ANK2: variants seen among roughly 807,000 people sequenced by gnomAD.
The protein encoded by ANK2 is ankyrin-2.
In ANK2, 83 loss-of-function variants were observed where a neutral mutation model predicts 360.5. The observed-to-expected ratio is 0.23, with a 90% CI of 0.19 to 0.28. ANK2 has a LOEUF of 0.28. Ranked by LOEUF, ANK2 falls within the 10% of genes least tolerant of loss-of-function variation. The pLI, the probability that ANK2 is intolerant of heterozygous loss-of-function variation, is 1.00. For synonymous variants in ANK2, 1,740 were observed against 1,759.5 expected (o/e 0.99, Z 0.28); for missense variants, 4,201 against 4,795.7 (o/e 0.88, Z 3.66).
In ANK2 at chr4:113,359,034, A is replaced by G. The variant is rs2096024116; in HGVS notation, c.10416A>G (p.Arg3472=). The G allele has an allele frequency of 1.9e-6, 3 of 1,614,110 alleles. No individual in the cohort carries two copies. Among genetic ancestry groups the G allele is most frequent in the Non-Finnish European group, 1.7e-6 (2 of 1,179,954 alleles). The change falls in exon 38 of 46, where the codon AGA becomes AGG. Residue 3472 remains arginine, a synonymous_variant. Coordinates refer to ENST00000357077, the MANE Select transcript of ANK2 (RefSeq NM_001148.6). The part of the protein sequence containing the change: ...ESKEHFFDLY[R]NSIEFFEEIS... ...AGGAGCATTTCTTTGACCTTTACAGAAATTCCATAGAATTCTTTGAGGAGA... is the reference window on the plus strand; with the variant it reads ...AGGAGCATTTCTTTGACCTTTACAGGAATTCCATAGAATTCTTTGAGGAGA...
intron 1 of ANK2, among the ~76,000 whole-genome samples, chr4:112,847,481 A>G (rs964011698): frequency 7.9e-5 from 12 of 152,226 alleles, no homozygotes; most frequent in Admixed American, 7.8e-4. Flanking sequence ...AAAAAACTCT[A>G]TCTTGTATTA....
intron 1 of ANK2, among the ~76,000 whole-genome samples, chr4:113,166,031 A>G (rs763599234): frequency 1.3e-5 from 2 of 152,168 alleles, no homozygotes; most frequent in Non-Finnish European, 2.9e-5. Context: ...TGACGTGTTC[A>G]GTGTTGGAAC....
At chr4:113,193,252 A>G (rs1356376736) in intron 2 of ANK2, among the ~76,000 whole-genome samples, 2 of 152,212 alleles carry the variant, frequency 1.3e-5, no homozygotes, top group African/African-American at 2.4e-5. Context: ...AATAAAACAG[A>G]TATACTCTTG....
intron 1 of ANK2, among the ~76,000 whole-genome samples, chr4:113,082,324 G>A (rs2082730818): frequency 6.6e-6 from 1 of 152,010 alleles, no homozygotes; most frequent in Non-Finnish European, 1.5e-5. Context: ...TTTTTGTGGA[G>A]AGTGGGGTCT....
intron 4 of ANK2, among the ~76,000 whole-genome samples, chr4:113,207,113 A>ACG (rs2098960812): frequency 2.0e-5 from 3 of 151,760 alleles, no homozygotes; most frequent in African/African-American, 7.2e-5. Context: ...GTGCACACGC[A>ACG]CACACACACA....
At chr4:113,201,546 G>A (rs911316072) in intron 4 of ANK2, among the ~76,000 whole-genome samples, 1 of 152,196 alleles carries the variant, frequency 6.6e-6, no homozygotes, top group African/African-American at 2.4e-5. Context: ...TGAAAGCCTG[G>A]TTAAATTCAA....
chr4:112,920,122 T>G (rs772638047), intron 2 of ANK2, among the ~76,000 whole-genome samples: 1 of 152,186 alleles, frequency 6.6e-6, no homozygotes, highest in Non-Finnish European at 1.5e-5. Context: ...GGTCTAGAAC[T>G]CGTGTCTCTT....
the ANK2 span, among the ~76,000 whole-genome samples, chr4:112,745,648 C>T: frequency 1.3e-5 from 2 of 151,856 alleles, no homozygotes; most frequent in Non-Finnish European, 2.9e-5. Context: ...ATTCTCCTGC[C>T]TCAGCCTCCC....
At chr4:113,266,197 A>G (rs2055929525) in intron 14 of ANK2, among the ~76,000 whole-genome samples, 1 of 152,176 alleles carries the variant, frequency 6.6e-6, no homozygotes, top group African/African-American at 2.4e-5. Flanking sequence ...ATGAGTGAGA[A>G]CATGCAGTGT....
At chr4:113,020,982 T>A (rs527496602) in intron 2 of ANK2, among the ~76,000 whole-genome samples, 144 of 152,302 alleles carry the variant, frequency 9.5e-4, no homozygotes, top group African/African-American at 3.2e-3. Context: ...TTCTTTCTTT[T>A]TAGACTTTTT....
intron 2 of ANK2, among the ~76,000 whole-genome samples, chr4:113,044,402 C>G (rs2063753131): frequency 6.6e-6 from 1 of 152,162 alleles, no homozygotes; most frequent in African/African-American, 2.4e-5. Flanking sequence ...ACGTGGCGTA[C>G]ACTTCCACCT....
chr4:113,057,090 T>C (rs1465100540), intron 1 of ANK2, among the ~76,000 whole-genome samples: 1 of 152,188 alleles, frequency 6.6e-6, no homozygotes, highest in South Asian at 2.1e-4. Flanking sequence ...TGTTAGGTGC[T>C]ATGGCATGGC....
At position 113,242,105 on chromosome 4, in the gene ANK2, G is replaced by T. The variant is rs749741442; in HGVS notation, c.793-6G>T. The T allele has an allele frequency of 1.2e-6, 2 of 1,611,128 alleles. No homozygotes were observed. Among genetic ancestry groups the T allele is most frequent in the Non-Finnish European group, 1.7e-6 (2 of 1,177,482 alleles). ...ACAGCTCTTGTTTGGTCTTTCTGTG[G>T]TGTAGAATGGAATCACTCCTCTGCA... On this transcript the variant is annotated splice_polypyrimidine_tract_variant and splice_region_variant and intron_variant, in intron 8 of 45. Transcript: ENST00000357077.
At chr4:113,327,750 T>A (rs775155247) in intron 26 of ANK2, among the ~76,000 whole-genome samples, 28 of 152,200 alleles carry the variant, frequency 1.8e-4, no homozygotes, top group Non-Finnish European at 3.2e-4. Context: ...CATCTGGGGC[T>A]TACACCATGT....
intron 1 of ANK2, chr4:112,880,333 A>G (rs1234554923): frequency 6.6e-6 from 1 of 152,214 alleles, no homozygotes; most frequent in Non-Finnish European, 1.5e-5. Context: ...ATTTATTGGA[A>G]AGGGCTTATG....
intron 1 of ANK2, among the ~76,000 whole-genome samples, chr4:113,064,660 C>T (rs1173653276): frequency 6.6e-6 from 1 of 152,164 alleles, no homozygotes; most frequent in Non-Finnish European, 1.5e-5. Flanking sequence ...CCGTGTTGTT[C>T]TTTGGGAAGT....
intron 1 of ANK2, among the ~76,000 whole-genome samples, chr4:113,158,260 G>T (rs1480146272): frequency 6.6e-6 from 1 of 152,150 alleles, no homozygotes; most frequent in Non-Finnish European, 1.5e-5. Context: ...TGCCTTGCTT[G>T]CTCAATGCAC....
the ANK2 span, among the ~76,000 whole-genome samples, chr4:112,720,748 T>C: frequency 6.6e-6 from 1 of 152,228 alleles, no homozygotes; most frequent in Non-Finnish European, 1.5e-5. Flanking sequence ...ATAATGTGCT[T>C]TTAATAATTA....
chr4:113,085,867 A>G (rs758009625), intron 1 of ANK2, among the ~76,000 whole-genome samples: 3 of 152,106 alleles, frequency 2.0e-5, no homozygotes, highest in Non-Finnish European at 2.9e-5. Flanking sequence ...ACCTTTACAT[A>G]ATTTTCTTGT....
Sources: allele counts gnomAD v4.1 joint callset (sites outside exome capture counted in the v4.1 genomes callset), GRCh38; gene constraint gnomAD v4.1.1; transcripts MANE v1.5; gene names NCBI Gene and HGNC (gene_info 2026-07-23, HGNC 2026-07-21).